The following SNRNP40 variants were observed in gnomAD, a reference collection of about 807,000 sequenced individuals.
SNRNP40 encodes the protein small nuclear ribonucleoprotein U5 subunit 40.
A neutral mutation model predicts 45.8 loss-of-function variants in SNRNP40; 21 were observed. The ratio of observed to expected loss-of-function variants is 0.46; its 90% CI spans 0.32 to 0.66. The LOEUF (loss-of-function observed/expected upper bound fraction) is 0.66. Among genes scored for constraint, SNRNP40 ranks in the 30% least tolerant of loss-of-function variants. The pLI is 0.03. For synonymous variants in SNRNP40, 142 were observed against 163.8 expected, an observed-to-expected ratio of 0.87 and a Z score of 1.01; for missense variants, 344 against 439.1, an observed-to-expected ratio of 0.78 and a Z score of 1.94.
intron 5 of SNRNP40, among the ~76,000 whole-genome samples, chr1:31,276,799 G>C (rs1057307532): frequency 3.3e-5 from 5 of 152,160 alleles, no homozygotes; most frequent in Admixed American, 6.5e-5. Context: ...TTGGGAGGCT[G>C]AGGTGGGCGG....
chr1:31,260,174 G>A (rs1412014399), intron 9 of SNRNP40, 53 bp from the exon 10 acceptor site: 10 of 1,288,274 alleles, frequency 7.8e-6, no homozygotes, highest in East Asian at 2.4e-5. Flanking sequence ...AGGAGACTTG[G>A]TGCTCAAGGG....
intron 8 of SNRNP40, among the ~76,000 whole-genome samples, chr1:31,265,495 T>C (rs1235508101): frequency 6.6e-6 from 1 of 152,050 alleles, no homozygotes; most frequent in Admixed American, 6.6e-5. Context: ...AAAGGGCCAA[T>C]GCCAGAAACA....
intron 4 of SNRNP40, 112 bp from the exon 5 acceptor site, chr1:31,281,608 G>A (rs1646017032): frequency 2.2e-6 from 2 of 891,166 alleles, no homozygotes; most frequent in Non-Finnish European, 3.2e-6. Context: ...ATCTATAATT[G>A]GGATCCTATA....
At chr1:31,293,754 T>G (rs888124432) in intron 1 of SNRNP40, among the ~76,000 whole-genome samples, 1 of 151,982 alleles carries the variant, frequency 6.6e-6, no homozygotes, top group African/African-American at 2.4e-5. Flanking sequence ...GCTAATTTTT[T>G]TAGTTTTTGT....
intron 5 of SNRNP40, among the ~76,000 whole-genome samples, chr1:31,280,772 T>G (rs10914342): frequency 0.2 from 29,677 of 151,504 alleles, 3,548 homozygotes; most frequent in East Asian, 0.47. Flanking sequence ...CTACTGTTTT[T>G]TTTTTTTTTT....
intron 8 of SNRNP40, among the ~76,000 whole-genome samples, chr1:31,262,575 C>CTCCTTATT (rs1394653523): frequency 7.1e-6 from 1 of 141,282 alleles, no homozygotes; most frequent in African/African-American, 2.6e-5. Flanking sequence ...CTTCTCTAAA[C>CTCCTTATT]TCCTTATTTT....
At chr1:31,282,605 A>T (rs934180574) in intron 4 of SNRNP40, 3 of 143,884 alleles carry the variant, frequency 2.1e-5, no homozygotes, top group Non-Finnish European at 1.5e-5. Flanking sequence ...CTATCTATCT[A>T]TCTATCTATC....
intron 5 of SNRNP40, among the ~76,000 whole-genome samples, chr1:31,279,745 T>A (rs1646002188): frequency 6.7e-6 from 1 of 149,774 alleles, no homozygotes; most frequent in Non-Finnish European, 1.5e-5. Flanking sequence ...AGACTCTGTC[T>A]CAAAAAAAAG....
Position 31,291,288 on chromosome 1 carries a change from C to CA in SNRNP40, c.365+624dup, listed in dbSNP as rs55857301. On this transcript the variant is annotated intron_variant, in intron 3 of 9. Coordinates refer to ENST00000263694, the MANE Select transcript of SNRNP40 (RefSeq NM_004814.3). ...GGGCAACAAGAGTGAAATTCCGTCT[C>CA]AAAAAAAAAAAATTAACACTGATTA... is the stretch of plus-strand genomic sequence containing the variant. Among the ~76,000 whole-genome samples the CA allele has an allele frequency of 8.1e-4, 104 of 128,626 alleles. 3 individuals carry two copies. Among genetic ancestry groups the CA allele is most frequent in the African/African-American group, 1.6e-3 (57 of 35,126 alleles). 84.4% of individuals were successfully genotyped at this position (128,626 alleles called of 152,430 possible).
chr1:31,264,187 A>T (rs2148379878), intron 8 of SNRNP40, among the ~76,000 whole-genome samples: 1 of 152,316 alleles, frequency 6.6e-6, no homozygotes, highest in African/African-American at 2.4e-5. Flanking sequence ...ACTTTTGGTC[A>T]AAAATGCAAA....
intron 4 of SNRNP40, among the ~76,000 whole-genome samples, chr1:31,283,820 A>C (rs1646036720): frequency 6.6e-6 from 1 of 152,252 alleles, no homozygotes; most frequent in Non-Finnish European, 1.5e-5. Context: ...TTGTGCTAAG[A>C]CAACTGGCTA....
At chr1:31,293,036 C>A in intron 2 of SNRNP40, 183 bp downstream of exon 2, 1 of 616,690 alleles carries the variant, frequency 1.6e-6, no homozygotes, top group Non-Finnish European at 2.8e-6. Context: ...GTATTTACCC[C>A]ATGGACTCCA....
At chr1:31,267,987 G>T in intron 7 of SNRNP40, 55 bp from the exon 8 acceptor site, 3 of 1,250,224 alleles carry the variant, frequency 2.4e-6, no homozygotes, top group Non-Finnish European at 2.3e-6. Flanking sequence ...TCTTTGCAAG[G>T]CTACCGAATC....
rs765930701 is a variant in SNRNP40, at chr1:31,259,783, A to G, written c.*289T>C. On this transcript the variant is annotated 3_prime_UTR_variant, in exon 10 of 10. Transcript: ENST00000263694. The stretch of plus-strand genomic sequence containing the variant: ...AAAAAAAAAAAAAATCCCAACCAAC[A>G]AATTTGTCACATTGGGCCTGCATTA... The G allele has an allele frequency of 2.8e-5, 16 of 572,218 alleles. No individual in the cohort carries two copies. Among genetic ancestry groups the G allele is most frequent in the South Asian group, 2.7e-4 (16 of 59,598 alleles). The allele number at this position is 572,218 out of a possible 1,614,324, so 35.4% of individuals were successfully genotyped here. A position where few individuals can be genotyped will look rare whatever the true frequency, so the allele number is the denominator to read the frequency against.
intron 4 of SNRNP40, among the ~76,000 whole-genome samples, chr1:31,284,477 C>G (rs897367966): frequency 6.6e-6 from 1 of 152,174 alleles, no homozygotes. Flanking sequence ...ACAAACAAAC[C>G]CTTATAGCTC....
intron 5 of SNRNP40, among the ~76,000 whole-genome samples, chr1:31,276,638 C>T (rs1645976823): frequency 6.6e-6 from 1 of 152,098 alleles, no homozygotes; most frequent in African/African-American, 2.4e-5. Context: ...GTAATCCCAA[C>T]ACTTTGGGAG....
At chr1:31,261,691 G>T in intron 8 of SNRNP40, 59 bp from the exon 9 acceptor site, 1 of 1,052,676 alleles carries the variant, frequency 9.5e-7, no homozygotes, top group East Asian at 2.4e-5. Context: ...TAGGACAGAG[G>T]CATGGCTTTT....
chr1:31,288,488 T>C (rs556820659), intron 4 of SNRNP40, among the ~76,000 whole-genome samples: 11 of 152,316 alleles, frequency 7.2e-5, no homozygotes, highest in African/African-American at 2.6e-4. Context: ...AAATATCTGA[T>C]TCCCATTGCA....
At position 31,271,395 on chromosome 1, in the gene SNRNP40, A is replaced by G. The variant is rs1482862979; in HGVS notation, c.759T>C (p.Asn253=). The G allele has an allele frequency of 1.9e-6, 3 of 1,613,412 alleles. No individual in the cohort carries two copies. Among genetic ancestry groups the G allele is most frequent in the South Asian group, 1.1e-5 (1 of 90,956 alleles). Residue 253 remains asparagine (N), a synonymous_variant, in exon 6 of 10, where the codon AAT becomes AAC. Coordinates refer to ENST00000263694, the MANE Select transcript of SNRNP40 (RefSeq NM_004814.3). ...CAAAGTTACCTGTATTGTCCATTGCATTGGACAAAAGATAAGAGCCTTCAG... is the reference window on the plus strand; with the variant it reads ...CAAAGTTACCTGTATTGTCCATTGCGTTGGACAAAAGATAAGAGCCTTCAG... ...LSSEGSYLLS[N]AMDNTVRVWD...
Sources: allele counts gnomAD v4.1 joint callset (sites outside exome capture counted in the v4.1 genomes callset), GRCh38; gene constraint gnomAD v4.1.1; transcripts MANE v1.5; gene names NCBI Gene and HGNC (gene_info 2026-07-23, HGNC 2026-07-21).